The following STK32A variants were observed in gnomAD, a reference collection of about 807,000 sequenced individuals.
STK32A encodes serine/threonine-protein kinase 32A.
Under a neutral mutation model 53.2 loss-of-function variants are expected in STK32A, and 41 were observed. That is an observed-to-expected ratio of 0.77 (90% CI 0.60 to 1.00). The LOEUF (loss-of-function observed/expected upper bound fraction) is 1.00. Ranked by LOEUF, STK32A falls within the 50% of genes least tolerant of loss-of-function variation. The pLI, the probability that STK32A is intolerant of heterozygous loss-of-function variation, is 0.00. For synonymous variants in STK32A, 166 were observed against 162.8 expected (o/e 1.02, Z -0.15); for missense variants, 458 against 485.8 (o/e 0.94, Z 0.54).
chr5:147,387,040 G>T lies in STK32A; in HGVS notation c.*3057G>T, dbSNP rs181564277. The T allele has an allele frequency of 6.6e-6, 1 of 152,312 alleles. No homozygotes were observed. The highest frequency in any genetic ancestry group is 1.9e-4 in the East Asian group (1 of 5,176). The allele number at this position is 152,312 out of a possible 1,614,324, so 9.4% of individuals were successfully genotyped here. A position where few individuals can be genotyped will look rare whatever the true frequency, so the allele number is the denominator to read the frequency against. On this transcript the variant is annotated 3_prime_UTR_variant, in exon 13 of 13. Transcript: ENST00000397936. ...GATGACTATTAAATCCTTTGGCCTG[G>T]TATTCTTGAATGTTTTTCTCCCAGT...
At chr5:147,358,355 A>T (rs764220360) in intron 7 of STK32A, among the ~76,000 whole-genome samples, 1 of 152,090 alleles carries the variant, frequency 6.6e-6, no homozygotes, top group African/African-American at 2.4e-5. Context: ...TTTATACAAC[A>T]CTTTGGTAAA....
At chr5:147,253,532 T>G (rs1266635332) in intron 2 of STK32A, among the ~76,000 whole-genome samples, 1 of 152,180 alleles carries the variant, frequency 6.6e-6, no homozygotes, top group East Asian at 1.9e-4. Flanking sequence ...TTTGCATTTT[T>G]TTGGTAGAGA....
At chr5:147,317,732 G>A (rs913715383) in intron 4 of STK32A, among the ~76,000 whole-genome samples, 13 of 152,010 alleles carry the variant, frequency 8.6e-5, no homozygotes, top group African/African-American at 2.7e-4. Flanking sequence ...GGCAGTGGGC[G>A]GGCTTTGTTT....
At chr5:147,254,014 C>T (rs1210804863) in intron 2 of STK32A, among the ~76,000 whole-genome samples, 1 of 152,112 alleles carries the variant, frequency 6.6e-6, no homozygotes, top group African/African-American at 2.4e-5. Flanking sequence ...AGAACCCTCT[C>T]TTCATAGATC....
chr5:147,293,847 A>T (rs1752727509), intron 4 of STK32A, among the ~76,000 whole-genome samples: 1 of 151,906 alleles, frequency 6.6e-6, no homozygotes, highest in Non-Finnish European at 1.5e-5. Flanking sequence ...ATCAAAAGGC[A>T]AACAAATCTT....
chr5:147,347,230 G>A (rs1243744444), intron 6 of STK32A, among the ~76,000 whole-genome samples: 1 of 151,930 alleles, frequency 6.6e-6, no homozygotes, highest in Non-Finnish European at 1.5e-5. Flanking sequence ...GCAAGAAAGA[G>A]TGTAAATGAT....
At chr5:147,333,281 A>G (rs1754961011) in intron 5 of STK32A, among the ~76,000 whole-genome samples, 1 of 152,214 alleles carries the variant, frequency 6.6e-6, no homozygotes, top group African/African-American at 2.4e-5. Context: ...CAATGGGTTT[A>G]TCAGGGCGTA....
intron 2 of STK32A, among the ~76,000 whole-genome samples, chr5:147,240,910 G>A (rs1247514313): frequency 6.6e-6 from 1 of 152,170 alleles, no homozygotes; most frequent in South Asian, 2.1e-4. Context: ...TCCAGCCAGT[G>A]AGAAAGGTGG....
intron 1 of STK32A, 31 bp from the exon 2 acceptor site, chr5:147,239,508 T>C: frequency 1.4e-6 from 1 of 691,964 alleles, no homozygotes; most frequent in Non-Finnish European, 2.5e-6. Flanking sequence ...TATAGCATAT[T>C]ATTAGGGTAC....
intron 4 of STK32A, among the ~76,000 whole-genome samples, chr5:147,322,153 A>G (rs982183203): frequency 6.6e-6 from 1 of 152,200 alleles, no homozygotes; most frequent in Non-Finnish European, 1.5e-5. Context: ...CCTCATGCCC[A>G]ATACACCAAT....
At chr5:147,368,591 T>C (rs1756872875) in intron 8 of STK32A, among the ~76,000 whole-genome samples, 1 of 152,208 alleles carries the variant, frequency 6.6e-6, no homozygotes, top group African/African-American at 2.4e-5. Flanking sequence ...TGGAACATGG[T>C]AGGCATTCAA....
chr5:147,325,961 ACTCT>A (rs1431874343), intron 5 of STK32A, among the ~76,000 whole-genome samples: 1 of 151,198 alleles, frequency 6.6e-6, no homozygotes, highest in African/African-American at 2.4e-5. Flanking sequence ...GAGCCTTTTC[ACTCT>A]CTCTCCTTTT....
downstream of STK32A, chr5:147,391,550 C>T (rs913815487): frequency 2.0e-5 from 3 of 152,410 alleles, no homozygotes; most frequent in Non-Finnish European, 4.4e-5. Flanking sequence ...GATAGACGAT[C>T]CAGCGTGCCT....
At chr5:147,369,049 G>C (rs977857952) in intron 8 of STK32A, among the ~76,000 whole-genome samples, 1 of 151,884 alleles carries the variant, frequency 6.6e-6, no homozygotes, top group African/African-American at 2.4e-5. Flanking sequence ...TAACCCTTTG[G>C]CTACTAAATT....
At chr5:147,363,384 T>A (rs1175360425) in intron 8 of STK32A, among the ~76,000 whole-genome samples, 1 of 152,130 alleles carries the variant, frequency 6.6e-6, no homozygotes, top group Non-Finnish European at 1.5e-5. Context: ...CTTGCTTAAG[T>A]GGCTCTCTAC....
At chr5:147,249,058 G>T (rs576459927) in intron 2 of STK32A, among the ~76,000 whole-genome samples, 1 of 152,188 alleles carries the variant, frequency 6.6e-6, no homozygotes, top group African/African-American at 2.4e-5. Flanking sequence ...TAGCAACTAC[G>T]ACAAAGCTTT....
Position 147,384,031 on chromosome 5 carries a change from A to G in STK32A, c.*48A>G. On this transcript the variant is annotated 3_prime_UTR_variant, in exon 13 of 13. Coordinates refer to ENST00000397936, the MANE Select transcript of STK32A (RefSeq NM_001112724.2). ...GACAATCTCATGCCAGAAACTTCTA[A>G]TTACATATGTCAAGAAAAGCTGACA... 1 of 1,570,156 alleles carries G rather than the reference A, an allele frequency of 6.4e-7. No individual in the cohort carries two copies. The highest frequency in any genetic ancestry group is 8.6e-7 in the Non-Finnish European group (1 of 1,164,488).
At chr5:147,289,418 C>A (rs1438611044) in intron 4 of STK32A, among the ~76,000 whole-genome samples, 2 of 152,108 alleles carry the variant, frequency 1.3e-5, no homozygotes, top group African/African-American at 4.8e-5. Context: ...TCAATAATCT[C>A]ATTCATGCTA....
chr5:147,288,607 A>G lies in STK32A; in HGVS notation c.260+9209A>G, dbSNP rs201569962. ...CAAAAAGGGGAGCAGGGCATCTCAC[A>G]TGGTGGGAGCAGGAGCAAGAGAGAG... is the stretch of plus-strand genomic sequence containing the variant. On this transcript the variant is annotated intron_variant, in intron 4 of 12. Transcript: ENST00000397936. Among the ~76,000 whole-genome samples the G allele has an allele frequency of 7.2e-5, 11 of 152,258 alleles. No individual in the cohort carries two copies. In the East Asian group the frequency reaches 1.5e-3, roughly 21 times the overall value.
Sources: gnomAD v4.1 joint callset for allele counts (sites outside exome capture counted in the v4.1 genomes callset) on GRCh38, gnomAD v4.1.1 for gene constraint, MANE v1.5 for transcripts, NCBI Gene and HGNC (gene_info 2026-07-23, HGNC 2026-07-21) for gene names.